MMAA: variants seen among roughly 807,000 people sequenced by gnomAD.
MMAA encodes methylmalonic aciduria type A protein, mitochondrial.
MMAA carries 41 observed loss-of-function variants against 45.0 expected under a neutral mutation model. That is an observed-to-expected ratio of 0.91 (90% CI 0.71 to 1.18). The LOEUF (loss-of-function observed/expected upper bound fraction) is 1.18, where lower values mean the gene tolerates loss of function less well. Ranked by LOEUF, MMAA falls within the 50% of genes most tolerant of loss-of-function variation. The pLI is 0.00. For synonymous variants in MMAA, 154 were observed against 178.2 expected (o/e 0.86, Z 1.08); for missense variants, 460 against 495.7 (o/e 0.93, Z 0.68).
chr4:145,647,398 G>A (rs1049715529), intron 4 of MMAA, among the ~76,000 whole-genome samples: 1 of 152,186 alleles, frequency 6.6e-6, no homozygotes, highest in Non-Finnish European at 1.5e-5. Flanking sequence ...ACAGTTACCA[G>A]CATGGTTCAT....
chr4:145,650,582 C>T (rs1728062860), intron 4 of MMAA: 6 of 165,838 alleles, frequency 3.6e-5, no homozygotes, highest in Admixed American at 2.8e-4. Flanking sequence ...GGCTGCCTGT[C>T]GTGGCTCTTG....
intron 1 of MMAA, among the ~76,000 whole-genome samples, chr4:145,636,330 G>A (rs1307772123): frequency 1.3e-5 from 2 of 152,040 alleles, no homozygotes; most frequent in Non-Finnish European, 2.9e-5. Flanking sequence ...TTGGTTCCTT[G>A]CTAGGCTTCC....
At chr4:145,621,062 G>A (rs555989181) in intron 1 of MMAA, among the ~76,000 whole-genome samples, 1 of 152,318 alleles carries the variant, frequency 6.6e-6, no homozygotes, top group Non-Finnish European at 1.5e-5. Flanking sequence ...ACTGAGGAGG[G>A]AGAGAGAAAA....
At chr4:145,645,882 T>G in intron 3 of MMAA, 104 bp from the exon 4 acceptor site, 16 of 1,043,162 alleles carry the variant, frequency 1.5e-5, no homozygotes, top group Non-Finnish European at 2.2e-5. Flanking sequence ...AAATGCAGTT[T>G]GAGATTTAGG....
intron 1 of MMAA, among the ~76,000 whole-genome samples, chr4:145,634,868 G>T (rs557557044): frequency 6.6e-6 from 1 of 151,918 alleles, no homozygotes; most frequent in Non-Finnish European, 1.5e-5. Context: ...GGGCCTGGAA[G>T]GGGGACCTCA....
intron 2 of MMAA, among the ~76,000 whole-genome samples, chr4:145,641,490 C>T (rs1727780587): frequency 6.6e-6 from 1 of 152,158 alleles, no homozygotes; most frequent in African/African-American, 2.4e-5. Context: ...GCATCCCATA[C>T]ACTATACATA....
At chr4:145,644,555 C>G (rs1271513902) in intron 3 of MMAA, among the ~76,000 whole-genome samples, 1 of 152,160 alleles carries the variant, frequency 6.6e-6, no homozygotes, top group East Asian at 1.9e-4. Context: ...ATGACTAAAG[C>G]AAAGTAGTAA....
chr4:145,630,782 C>T (rs1384291193), intron 1 of MMAA, among the ~76,000 whole-genome samples: 1 of 152,038 alleles, frequency 6.6e-6, no homozygotes, highest in Non-Finnish European at 1.5e-5. Context: ...TTAATGTAGG[C>T]ACGTATAGCT....
At chr4:145,625,326 G>T (rs1734178504) in intron 1 of MMAA, 2 of 712,202 alleles carry the variant, frequency 2.8e-6, no homozygotes. Context: ...GAAGAAGTCT[G>T]TCTATTCTCC....
intron 4 of MMAA, among the ~76,000 whole-genome samples, chr4:145,647,460 G>A (rs1727959325): frequency 6.6e-6 from 1 of 152,124 alleles, no homozygotes; most frequent in Non-Finnish European, 1.5e-5. Flanking sequence ...GGGAAAATAT[G>A]GGACAAAAAT....
intron 4 of MMAA, among the ~76,000 whole-genome samples, chr4:145,649,754 A>G (rs1728038159): frequency 6.6e-6 from 1 of 151,956 alleles, no homozygotes; most frequent in Non-Finnish European, 1.5e-5. Context: ...AAAGGGAGAG[A>G]GTTTCCAGAG....
chr4:145,649,203 T>C (rs1050820573), intron 4 of MMAA, among the ~76,000 whole-genome samples: 4 of 150,020 alleles, frequency 2.7e-5, no homozygotes, highest in African/African-American at 9.8e-5. Context: ...GAGGCTGAGG[T>C]GAAAGAATGG....
Position 145,656,614 on chromosome 4 carries a change from C to T in MMAA, c.*1180C>T, listed in dbSNP as rs200764256. 2 of 151,868 alleles carry T rather than the reference C, an allele frequency of 1.3e-5. No homozygotes were observed. The highest frequency in any genetic ancestry group is 3.8e-4 in the East Asian group (2 of 5,200). 9.4% of individuals were successfully genotyped at this position (151,868 alleles called of 1,614,324 possible). A position where few individuals can be genotyped will look rare whatever the true frequency, so the allele number is the denominator to read the frequency against. On this transcript the variant is annotated 3_prime_UTR_variant, in exon 7 of 7. Coordinates refer to ENST00000649156, the MANE Select transcript of MMAA (RefSeq NM_172250.3). ...ATATTTTAGGATACTTTAGGATTAC[C>T]TTTGAAGAACCCTTTCTAGTTAATT...
At chr4:145,648,060 C>T (rs373140051) in intron 4 of MMAA, among the ~76,000 whole-genome samples, 92 of 149,722 alleles carry the variant, frequency 6.1e-4, no homozygotes, top group African/African-American at 2.1e-3. Context: ...AGGGTTTCAC[C>T]GTGTTAGCCA....
intron 1 of MMAA, among the ~76,000 whole-genome samples, chr4:145,628,987 T>C (rs745501706): frequency 1.3e-5 from 2 of 152,200 alleles, no homozygotes; most frequent in Non-Finnish European, 2.9e-5. Context: ...AGTAATCTGG[T>C]CTCGTGGATT....
In MMAA at chr4:145,655,518, G is replaced by T; in HGVS notation, c.*84G>T. The T allele has an allele frequency of 2.4e-6, 3 of 1,250,932 alleles. No individual in the cohort carries two copies. The highest frequency in any genetic ancestry group is 3.3e-6 in the Non-Finnish European group (3 of 901,502). 77.5% of individuals were successfully genotyped at this position (1,250,932 alleles called of 1,614,324 possible). ...AATCACTTGTATGCTTATATTTTCA[G>T]TAATTATTGTATGGTGCTCTTGTCT... On this transcript the variant is annotated 3_prime_UTR_variant, in exon 7 of 7. Coordinates refer to ENST00000649156, the MANE Select transcript of MMAA (RefSeq NM_172250.3).
intron 1 of MMAA, among the ~76,000 whole-genome samples, chr4:145,620,446 C>G (rs1734066435): frequency 6.6e-6 from 1 of 152,190 alleles, no homozygotes; most frequent in Non-Finnish European, 1.5e-5. Flanking sequence ...GAATGGGGGT[C>G]TCTCAAACGC....
intron 1 of MMAA, among the ~76,000 whole-genome samples, chr4:145,628,780 A>T (rs543661595): frequency 6.6e-6 from 1 of 152,330 alleles, no homozygotes; most frequent in South Asian, 2.1e-4. Flanking sequence ...CTGTTTTTAA[A>T]AAAGCAGAAA....
rs535567216 is a variant in MMAA at position 145,656,387 on chromosome 4, A to C, written c.*953A>C. The C allele has an allele frequency of 6.6e-6, 1 of 152,334 alleles. No homozygotes were observed. Among genetic ancestry groups the C allele is most frequent in the South Asian group, 2.1e-4 (1 of 4,826 alleles). 9.4% of individuals were successfully genotyped at this position (152,334 alleles called of 1,614,324 possible). ...CCCAGATCAATTGTATATTAGCTAC[A>C]TGAGCTAATCTCTTTAAGCTTCCAT... is the stretch of plus-strand genomic sequence containing the variant. On this transcript the variant is annotated 3_prime_UTR_variant, in exon 7 of 7. Transcript: ENST00000649156.
Sources: allele counts gnomAD v4.1 joint callset (sites outside exome capture counted in the v4.1 genomes callset), GRCh38; gene constraint gnomAD v4.1.1; transcripts MANE v1.5; gene names NCBI Gene and HGNC (gene_info 2026-07-23, HGNC 2026-07-21).